GSTCD: variants seen among roughly 807,000 people sequenced by gnomAD.
The protein encoded by GSTCD is glutathione S-transferase C-terminal domain containing, also known as glutathione S-transferase C-terminal domain-containing protein.
A neutral mutation model predicts 68.3 loss-of-function variants in GSTCD; 44 were observed. The observed-to-expected ratio is 0.64, with a 90% CI of 0.51 to 0.83. The LOEUF (loss-of-function observed/expected upper bound fraction) is 0.83. Among genes scored for constraint, GSTCD ranks in the 40% least tolerant of loss-of-function variants. The pLI is 0.00. For synonymous variants in GSTCD, 273 were observed against 255.2 expected, an observed-to-expected ratio of 1.07 and a Z score of -0.67; for missense variants, 739 against 735.9, an observed-to-expected ratio of 1.00 and a Z score of -0.05.
intron 5 of GSTCD, among the ~76,000 whole-genome samples, chr4:105,765,768 A>G (rs893045811): frequency 4.6e-5 from 7 of 152,204 alleles, no homozygotes; most frequent in Admixed American, 2.0e-4. Context: ...TGCTGTTCTC[A>G]TGATAGTGAA....
rs1286879282 is a variant in GSTCD, at chr4:105,719,327, T to G, written c.694T>G (p.Ser232Ala). 1 of 1,613,988 alleles carries G rather than the reference T, an allele frequency of 6.2e-7. No homozygotes were observed. The highest frequency in any genetic ancestry group is 1.3e-5 in the African/African-American group (1 of 74,910). Reference protein sequence around the residue: ...HTQETSEGLDSSSKSLELKVA... With the variant: ...HTQETSEGLDASSKSLELKVA... The stretch of plus-strand genomic sequence containing the variant: ...ACAGGAAACATCTGAAGGGTTGGAT[T>G]CTTCATCCAAGAGTCTGGAACTGAA... The change falls in exon 3 of 12, where the codon TCT becomes GCT. Residue 232 changes from serine (S) to alanine (A), a missense_variant. Transcript: ENST00000515279.
intron 3 of GSTCD, among the ~76,000 whole-genome samples, chr4:105,723,489 T>C (rs1732936111): frequency 6.6e-6 from 1 of 151,864 alleles, no homozygotes; most frequent in African/African-American, 2.4e-5. Context: ...GTTTATATTG[T>C]ATTAGGTATT....
chr4:105,810,525 A>C (rs1017854515), intron 5 of GSTCD, among the ~76,000 whole-genome samples: 3 of 152,108 alleles, frequency 2.0e-5, no homozygotes, highest in Non-Finnish European at 4.4e-5. Context: ...AGAAATGTTA[A>C]ATTTTAAGCA....
At chr4:105,825,561 C>T in intron 7 of GSTCD, 111 bp from the exon 8 acceptor site, 1 of 601,664 alleles carries the variant, frequency 1.7e-6, no homozygotes, top group Non-Finnish European at 2.9e-6. Context: ...AGAATAGAGG[C>T]TCAATATAAT....
rs143893843 is a variant in GSTCD at position 105,806,618 on chromosome 4, G to A, written c.1241-16336G>A. On this transcript the variant is annotated intron_variant, in intron 5 of 11. Transcript: ENST00000515279. ...CATCTTTATAATTATGTAGAACTTT[G>A]TTTAAGGAAGTGGGTACCATCCGTA... 2.5e-3 allele frequency among the ~76,000 whole-genome samples: 378 copies of A among 152,116 alleles called. 7 individuals carry two copies. Among genetic ancestry groups the A allele is most frequent in the Non-Finnish European group, 3.2e-4 (22 of 67,952 alleles).
At chr4:105,792,176 TATG>T (rs943960472) in intron 5 of GSTCD, among the ~76,000 whole-genome samples, 5 of 151,976 alleles carry the variant, frequency 3.3e-5, no homozygotes, top group Admixed American at 2.6e-4. Context: ...TTGCAAAAAA[TATG>T]ATGTCAATAA....
At chr4:105,782,699 C>T (rs1333306559) in intron 5 of GSTCD, among the ~76,000 whole-genome samples, 1 of 152,046 alleles carries the variant, frequency 6.6e-6, no homozygotes, top group Non-Finnish European at 1.5e-5. Context: ...TCTCATGCCT[C>T]AGGTCCCCTA....
chr4:105,711,651 GTTA>G lies in GSTCD; in HGVS notation c.-22+2641_-22+2643del, dbSNP rs1732540605. 2.6e-5 allele frequency among the ~76,000 whole-genome samples: 4 copies of G among 152,222 alleles called. No homozygotes were observed. The South Asian group carries it at 6.2e-4, about 24-fold the overall frequency. ...TATGGCACACTACATGGTAGGTACA[GTTA>G]TTATTGTCTCCATTTTATTATATAA... On this transcript the variant is annotated intron_variant, in intron 1 of 11. Transcript: ENST00000515279.
Position 105,845,745 on chromosome 4 carries a change from G to A in GSTCD, c.*168G>A. 1.6e-6 allele frequency: 1 copy of A among 638,524 alleles called. No individual in the cohort carries two copies. The highest frequency in any genetic ancestry group is 2.7e-6 in the Non-Finnish European group (1 of 370,672). 39.6% of individuals were successfully genotyped at this position (638,524 alleles called of 1,614,324 possible). A position where few individuals can be genotyped will look rare whatever the true frequency, so the allele number is the denominator to read the frequency against. ...CTTGGAAGTAAAGGCTCCCTGCAAA[G>A]CATCACAAATGCTTTACAATGTGTG... On this transcript the variant is annotated 3_prime_UTR_variant, in exon 12 of 12. Coordinates refer to ENST00000515279, the MANE Select transcript of GSTCD (RefSeq NM_001370181.1).
intron 11 of GSTCD, among the ~76,000 whole-genome samples, chr4:105,842,465 A>C (rs1724393024): frequency 6.6e-6 from 1 of 152,224 alleles, no homozygotes; most frequent in Non-Finnish European, 1.5e-5. Context: ...TTAAAAAGTC[A>C]ACTATATATA....
chr4:105,788,251 A>G (rs920640980), intron 5 of GSTCD, among the ~76,000 whole-genome samples: 2 of 152,100 alleles, frequency 1.3e-5, no homozygotes, highest in African/African-American at 2.4e-5. Flanking sequence ...TATATTTCCT[A>G]CATTTTCCAT....
intron 5 of GSTCD, among the ~76,000 whole-genome samples, chr4:105,748,597 T>C (rs1363284498): frequency 6.6e-6 from 1 of 152,166 alleles, no homozygotes; most frequent in East Asian, 1.9e-4. Context: ...GGGCACAATT[T>C]ATATTAAATG....
At chr4:105,710,232 A>ATTTTTTTTTTTTTTTT (rs761574598) in intron 1 of GSTCD, among the ~76,000 whole-genome samples, 1 of 85,722 alleles carries the variant, frequency 1.2e-5, no homozygotes, top group African/African-American at 5.6e-5. Flanking sequence ...GGGCCCATCA[A>ATTTTTTTTTTTTTTTT]TTTTTTTTTT....
At chr4:105,756,708 A>C (rs1734210592) in intron 5 of GSTCD, among the ~76,000 whole-genome samples, 1 of 151,994 alleles carries the variant, frequency 6.6e-6, no homozygotes, top group African/African-American at 2.4e-5. Flanking sequence ...CAAAGCAGAG[A>C]GCAGGTTAAA....
At chr4:105,733,260 G>T (rs546181426) in intron 5 of GSTCD, among the ~76,000 whole-genome samples, 2 of 152,110 alleles carry the variant, frequency 1.3e-5, no homozygotes, top group Non-Finnish European at 2.9e-5. Flanking sequence ...TTTCTCTCTC[G>T]TTGATCTGTC....
At chr4:105,790,681 G>C (rs1246201362) in intron 5 of GSTCD, among the ~76,000 whole-genome samples, 1 of 151,992 alleles carries the variant, frequency 6.6e-6, no homozygotes, top group Non-Finnish European at 1.5e-5. Flanking sequence ...GTAGCACTGT[G>C]CTTGGATCTA....
In GSTCD at chr4:105,729,514, T is replaced by C; in HGVS notation, c.1240+15T>C. ...CCCAAAGGAAGGTGAGTTTTCTTTTTTCTTTAAGTTTTATTCATACTTTGG... is the reference window on the plus strand; with the variant it reads ...CCCAAAGGAAGGTGAGTTTTCTTTTCTCTTTAAGTTTTATTCATACTTTGG... On this transcript the variant is annotated intron_variant, in intron 5 of 11. Coordinates refer to ENST00000515279, the MANE Select transcript of GSTCD (RefSeq NM_001370181.1). 6.4e-7 allele frequency: 1 copy of C among 1,552,542 alleles called. No homozygotes were observed.
chr4:105,800,188 T>C (rs1736053940), intron 5 of GSTCD, among the ~76,000 whole-genome samples: 2 of 152,126 alleles, frequency 1.3e-5, no homozygotes, highest in Admixed American at 6.6e-5. Flanking sequence ...CTCACAATTA[T>C]GGTGGAAGGC....
At chr4:105,756,503 C>T (rs1211954307) in intron 5 of GSTCD, among the ~76,000 whole-genome samples, 1 of 133,000 alleles carries the variant, frequency 7.5e-6, no homozygotes, top group African/African-American at 2.8e-5. Flanking sequence ...CATACACACA[C>T]ACACACACAC....
Sources: allele counts gnomAD v4.1 joint callset (sites outside exome capture counted in the v4.1 genomes callset), GRCh38; gene constraint gnomAD v4.1.1; transcripts MANE v1.5; gene names NCBI Gene and HGNC (gene_info 2026-07-23, HGNC 2026-07-21).